The following GRIA1 variants were observed in gnomAD, a reference collection of about 807,000 sequenced individuals.
GRIA1 encodes glutamate receptor 1.
In GRIA1, 31 loss-of-function variants were observed where a neutral mutation model predicts 99.2. That is an observed-to-expected ratio of 0.31 (90% CI 0.23 to 0.42). The LOEUF (loss-of-function observed/expected upper bound fraction) is 0.42. Ranked by LOEUF, GRIA1 falls within the 10% of genes least tolerant of loss-of-function variation. The probability of loss-of-function intolerance (pLI) is 1.00; values close to 1 mark genes in which losing one functional copy is unlikely to be tolerated. For synonymous variants in GRIA1, 438 were observed against 432.4 expected (o/e 1.01, Z -0.16); for missense variants, 782 against 1,157.5 (o/e 0.68, Z 4.71).
intron 14 of GRIA1, among the ~76,000 whole-genome samples, chr5:153,797,983 C>T (rs770672368): frequency 4.6e-5 from 7 of 152,152 alleles, no homozygotes; most frequent in Non-Finnish European, 8.8e-5. Context: ...ATCCCAGACC[C>T]TCTAGAAACT....
chr5:153,731,174 C>T (rs1760985699), intron 11 of GRIA1, among the ~76,000 whole-genome samples: 1 of 152,068 alleles, frequency 6.6e-6, no homozygotes, highest in East Asian at 1.9e-4. Flanking sequence ...GAAATTTAGC[C>T]TCATCTGCTT....
chr5:153,642,322 A>G (rs1046334060), intron 2 of GRIA1, among the ~76,000 whole-genome samples: 1 of 152,180 alleles, frequency 6.6e-6, no homozygotes, highest in African/African-American at 2.4e-5. Flanking sequence ...TCACTTCTCC[A>G]ATTTGAAACC....
At chr5:153,699,107 G>T (rs749249187) in intron 10 of GRIA1, 34 bp downstream of exon 10, 3 of 1,450,628 alleles carry the variant, frequency 2.1e-6, no homozygotes, top group Non-Finnish European at 1.9e-6. Flanking sequence ...ATTAGAGGGC[G>T]GAGGCAGAGG....
chr5:153,764,533 G>A lies in GRIA1; in HGVS notation c.1923G>A (p.Glu641=). 1.2e-6 allele frequency: 2 copies of A among 1,613,824 alleles called. No individual in the cohort carries two copies. The highest frequency in any genetic ancestry group is 1.7e-6 in the Non-Finnish European group (2 of 1,179,692). ...TANLAAFLTV[E]RMVSPIESAE... ...ATCTGGCCGCCTTCCTGACCGTGGA[G>A]AGGATGGTGTCTCCCATTGAGAGTG... The change falls in exon 12 of 16, where the codon GAG becomes GAA. Residue 641 remains glutamate (E), a synonymous_variant. Transcript: ENST00000285900.
chr5:153,695,502 C>A (rs1449987816), intron 8 of GRIA1, among the ~76,000 whole-genome samples: 1 of 152,178 alleles, frequency 6.6e-6, no homozygotes, highest in African/African-American at 2.4e-5. Context: ...AAAGGCCCCA[C>A]AAGTCTCTTA....
chr5:153,490,427 G>T, upstream of GRIA1: 1 of 191,152 alleles, frequency 5.2e-6, no homozygotes, highest in Non-Finnish European at 1.1e-5. Flanking sequence ...CCACCTTTCT[G>T]CACACACAGA....
chr5:153,503,862 G>A (rs1275646408), intron 2 of GRIA1, among the ~76,000 whole-genome samples: 2 of 152,178 alleles, frequency 1.3e-5, no homozygotes, highest in Non-Finnish European at 2.9e-5. Flanking sequence ...CCAAATTCAA[G>A]GGCTTGATTG....
At chr5:153,668,353 A>G (rs1195587725) in intron 5 of GRIA1, among the ~76,000 whole-genome samples, 1 of 152,146 alleles carries the variant, frequency 6.6e-6, no homozygotes, top group South Asian at 2.1e-4. Context: ...AAATCCAGCC[A>G]TCACCTGATT....
chr5:153,772,167 CAA>C (rs1399777543), intron 13 of GRIA1, among the ~76,000 whole-genome samples: 1 of 151,716 alleles, frequency 6.6e-6, no homozygotes, highest in African/African-American at 2.4e-5. Context: ...ACAATAAAGA[CAA>C]AGAGAAGATC....
At chr5:153,628,802 C>T (rs1767877670) in intron 2 of GRIA1, among the ~76,000 whole-genome samples, 1 of 152,024 alleles carries the variant, frequency 6.6e-6, no homozygotes, top group African/African-American at 2.4e-5. Flanking sequence ...TCTTCCTGTT[C>T]TAAAGTCCTA....
intron 2 of GRIA1, among the ~76,000 whole-genome samples, chr5:153,538,397 A>G (rs184458272): frequency 6.6e-6 from 1 of 152,322 alleles, no homozygotes; most frequent in Non-Finnish European, 1.5e-5. Context: ...AGCAATGTGA[A>G]ACAAAGACCA....
intron 2 of GRIA1, among the ~76,000 whole-genome samples, chr5:153,540,542 T>C (rs1758980776): frequency 6.6e-6 from 1 of 152,198 alleles, no homozygotes; most frequent in Non-Finnish European, 1.5e-5. Flanking sequence ...AACTGGTTCA[T>C]TGATCAACTG....
At chr5:153,545,885 C>T (rs572421807) in intron 2 of GRIA1, among the ~76,000 whole-genome samples, 30 of 152,280 alleles carry the variant, frequency 2.0e-4, no homozygotes, top group African/African-American at 5.5e-4. Context: ...ACACCATAGT[C>T]GGCCAACCCC....
intron 2 of GRIA1, among the ~76,000 whole-genome samples, chr5:153,558,682 G>A (rs1355153370): frequency 6.6e-6 from 1 of 152,160 alleles, no homozygotes; most frequent in Non-Finnish European, 1.5e-5. Flanking sequence ...CATTTATAAT[G>A]AAGCTGTTAT....
intron 2 of GRIA1, among the ~76,000 whole-genome samples, chr5:153,509,581 T>A (rs910899193): frequency 5.3e-5 from 8 of 152,330 alleles, no homozygotes; most frequent in African/African-American, 1.9e-4. Flanking sequence ...CCCAACTGCC[T>A]AGGGAATAGG....
chr5:153,698,045 T>A lies in GRIA1; in HGVS notation c.1136T>A (p.Ile379Asn). ...CCTCCACTCTCTTCTCATTAACAGA[T>A]TGGTTACTGGAATGAAGATGATAAG... ...IEMKHDGIRK[I>N]GYWNEDDKFV... The change falls in exon 9 of 16, where the codon ATT becomes AAT. Residue 379 changes from isoleucine (I) to asparagine (N), a missense_variant and splice_region_variant. By Grantham distance (149) the Ile-to-Asn change is moderately radical. This residue lies in a region of GRIA1 where 461 missense variants were observed against 521.7 expected (regional missense o/e 0.88). Coordinates refer to ENST00000285900, the MANE Select transcript of GRIA1 (RefSeq NM_000827.4). 1 of 1,569,086 alleles carries A rather than the reference T, an allele frequency of 6.4e-7. No individual in the cohort carries two copies. Among genetic ancestry groups the A allele is most frequent in the South Asian group, 1.1e-5 (1 of 90,040 alleles).
intron 11 of GRIA1, among the ~76,000 whole-genome samples, chr5:153,752,323 A>G (rs932032654): frequency 3.3e-5 from 5 of 152,028 alleles, no homozygotes; most frequent in African/African-American, 4.8e-5. Flanking sequence ...ATCTAGCACA[A>G]TATCTCCTCT....
Position 153,765,218 on chromosome 5 carries a change from C to A in GRIA1, c.2022+586C>A, listed in dbSNP as rs188500790. ...AGGAGCAGAGAGCTTAGGAGCACAG[C>A]CTTCAAGTTCAGCAGATGGAGGCCC... On this transcript the variant is annotated intron_variant, in intron 12 of 15. Transcript: ENST00000285900. 2.4e-3 allele frequency among the ~76,000 whole-genome samples: 371 copies of A among 152,254 alleles called. 8 individuals are homozygous for A. In the South Asian group the frequency reaches 0.056, roughly 23 times the overall value.
At position 153,660,097 on chromosome 5, in the gene GRIA1, A is replaced by G. The variant is rs73800341; in HGVS notation, c.699+4225A>G. On this transcript the variant is annotated intron_variant, in intron 5 of 15. Coordinates refer to ENST00000285900, the MANE Select transcript of GRIA1 (RefSeq NM_000827.4). ...CTGAGACATTACATGACTGAGCTGC[A>G]GAGGAGAAAGACAGGAACCTAATTA... is the stretch of plus-strand genomic sequence containing the variant. Among the ~76,000 whole-genome samples, 862 of 152,318 alleles carry G rather than the reference A, an allele frequency of 5.7e-3. 7 individuals are homozygous for G. Among genetic ancestry groups the G allele is most frequent in the African/African-American group, 0.019 (798 of 41,570 alleles).
Sources: allele counts gnomAD v4.1 joint callset (sites outside exome capture counted in the v4.1 genomes callset), GRCh38; gene constraint gnomAD v4.1.1; regional missense constraint gnomAD v4.1.1; transcripts MANE v1.5; gene names NCBI Gene and HGNC (gene_info 2026-07-23, HGNC 2026-07-21).